DMXL1: variants seen among roughly 807,000 people sequenced by gnomAD.
The protein encoded by DMXL1 is dmX-like protein 1.
DMXL1 carries 99 observed loss-of-function variants against 319.2 expected under a neutral mutation model. The ratio of observed to expected loss-of-function variants is 0.31; its 90% CI spans 0.26 to 0.37. DMXL1 has a LOEUF of 0.37. Among genes scored for constraint, DMXL1 ranks in the 10% least tolerant of loss-of-function variants. The pLI is 1.00. For missense variants in DMXL1, 3,745 were observed against 3,595.6 expected (o/e 1.04, Z -1.06); for synonymous variants, 1,385 against 1,235.2 (o/e 1.12, Z -2.54).
chr5:119,220,965 G>A lies in DMXL1; in HGVS notation c.8161G>A (p.Ala2721Thr), dbSNP rs201287159. 9.1e-5 allele frequency: 147 copies of A among 1,613,244 alleles called. No individual in the cohort carries two copies. Among genetic ancestry groups the A allele is most frequent in the Non-Finnish European group, 1.2e-4 (137 of 1,179,550 alleles). The change falls in exon 37 of 44, where the codon GCT becomes ACT. Residue 2721 changes from alanine to threonine, a missense_variant. This residue lies in a region of DMXL1 where 1,382 missense variants were observed against 1,269.5 expected (regional missense o/e 1.09). Coordinates refer to ENST00000539542, the MANE Select transcript of DMXL1 (RefSeq NM_001290321.3). ...ATCAGAAGATTTCTTGGTTATACAT[G>A]CTCGTGATGATTTAACAGCTGTTCA... ...KGSEDFLVIH[A>T]RDDLTAVQGT... is the part of the protein sequence containing the mutation.
chr5:119,240,230 A>ACTGTGAGCCAAGTGAG (rs1295904715), intron 41 of DMXL1, among the ~76,000 whole-genome samples, 189 bp from the exon 42 acceptor site: 1 of 152,310 alleles, frequency 6.6e-6, no homozygotes, highest in East Asian at 1.9e-4. Flanking sequence ...CCAAGATTCC[A>ACTGTGAGCCAAGTGAG]CCACTGCATT....
intron 28 of DMXL1, among the ~76,000 whole-genome samples, chr5:119,181,601 C>T (rs552902549): frequency 6.6e-6 from 1 of 152,296 alleles, no homozygotes; most frequent in South Asian, 2.1e-4. Flanking sequence ...GTGGGCAGAT[C>T]ACCTGAGGTC....
intron 10 of DMXL1, chr5:119,132,731 T>C (rs938979730): frequency 5.7e-6 from 3 of 528,506 alleles, no homozygotes; most frequent in Non-Finnish European, 1.2e-5. Flanking sequence ...TAGTCCTATA[T>C]TGGCATTGCT....
intron 13 of DMXL1, among the ~76,000 whole-genome samples, chr5:119,135,856 T>C (rs539188978): frequency 3.3e-5 from 5 of 152,288 alleles, no homozygotes; most frequent in African/African-American, 9.6e-5. Context: ...TATTTCTTCA[T>C]AGAGTGTAAA....
At chr5:119,081,825 T>C in intron 1 of DMXL1, 1 of 660,566 alleles carries the variant, frequency 1.5e-6, no homozygotes, top group Non-Finnish European at 1.9e-6. Flanking sequence ...AAGAAAAGAG[T>C]TCCTTTGGAA....
intron 9 of DMXL1, among the ~76,000 whole-genome samples, chr5:119,122,318 C>T (rs1286126453): frequency 3.4e-5 from 5 of 147,516 alleles, no homozygotes; most frequent in African/African-American, 1.2e-4. Context: ...GGGGGCTGAC[C>T]CCCCCACCTC....
At chr5:119,119,383 C>G (rs1158192080) in intron 8 of DMXL1, among the ~76,000 whole-genome samples, 2 of 152,112 alleles carry the variant, frequency 1.3e-5, no homozygotes, top group African/African-American at 4.8e-5. Flanking sequence ...AAAACCCACC[C>G]CACCCCCAGA....
chr5:119,191,856 A>G (rs1581237435), intron 29 of DMXL1, among the ~76,000 whole-genome samples: 1 of 152,214 alleles, frequency 6.6e-6, no homozygotes, highest in Non-Finnish European at 1.5e-5. Context: ...CTCCTGACCA[A>G]GTTCTTACTG....
intron 1 of DMXL1, among the ~76,000 whole-genome samples, chr5:119,094,259 G>C (rs1329604409): frequency 6.6e-6 from 1 of 152,342 alleles, no homozygotes; most frequent in African/African-American, 2.4e-5. Flanking sequence ...AATGCAGTTG[G>C]TAACTTTAAG....
chr5:119,221,258 A>G, intron 37 of DMXL1, among the ~76,000 whole-genome samples, 177 bp downstream of exon 37: 1 of 152,204 alleles, frequency 6.6e-6, no homozygotes, highest in East Asian at 1.9e-4. Flanking sequence ...TTGAAAGGGT[A>G]ATAATAAATT....
intron 5 of DMXL1, among the ~76,000 whole-genome samples, chr5:119,112,830 G>T (rs559949582): frequency 7.9e-5 from 12 of 152,162 alleles, no homozygotes; most frequent in African/African-American, 2.6e-4. Context: ...GGTGGTGCAT[G>T]CCTGTAATCC....
chr5:119,142,761 C>T (rs1393372502), intron 13 of DMXL1, among the ~76,000 whole-genome samples: 1 of 151,976 alleles, frequency 6.6e-6, no homozygotes, highest in Non-Finnish European at 1.5e-5. Context: ...GCATTATTCA[C>T]AATAGCAAAG....
Position 119,149,195 on chromosome 5 carries a change from A to T in DMXL1, c.3368A>T (p.Asp1123Val), listed in dbSNP as rs750315820. Residue 1123 changes from aspartate (D) to valine (V), a missense_variant, in exon 18 of 44, where the codon GAC (aspartate) becomes GTC (valine). By Grantham distance (152) the Asp-to-Val change is radical. Transcript: ENST00000539542. ...DSNLVAYNKQ[D>V]MYLSSKENIT... ...AATTTAGTGGCCTATAATAAACAAG[A>T]CATGTATTTATCTAGTAAAGAGAAT... 17 of 1,613,794 alleles carry T rather than the reference A, an allele frequency of 1.1e-5. No homozygotes were observed. The highest frequency in any genetic ancestry group is 2.7e-5 in the African/African-American group (2 of 74,918).
intron 31 of DMXL1, among the ~76,000 whole-genome samples, chr5:119,196,940 AG>A (rs773101120): frequency 9.9e-5 from 15 of 152,178 alleles, no homozygotes; most frequent in Non-Finnish European, 1.8e-4. Flanking sequence ...TGATGGACAG[AG>A]GAGTTTATTC....
chr5:119,101,506 G>A (rs894939265), intron 2 of DMXL1, among the ~76,000 whole-genome samples: 2 of 152,208 alleles, frequency 1.3e-5, no homozygotes, highest in Non-Finnish European at 2.9e-5. Flanking sequence ...TACTCAGGGA[G>A]TTTCCAGAGG....
At chr5:119,207,684 A>T (rs538519600) in intron 34 of DMXL1, among the ~76,000 whole-genome samples, 1 of 151,972 alleles carries the variant, frequency 6.6e-6, no homozygotes, top group South Asian at 2.1e-4. Flanking sequence ...ACACCTGGCT[A>T]ATTCTTTTTG....
At chr5:119,174,603 G>A (rs1223717450) in intron 25 of DMXL1, among the ~76,000 whole-genome samples, 1 of 152,186 alleles carries the variant, frequency 6.6e-6, no homozygotes, top group Non-Finnish European at 1.5e-5. Context: ...ATCAGATGAA[G>A]AACCTGGTCT....
At chr5:119,082,360 A>G (rs1053129752) in intron 1 of DMXL1, among the ~76,000 whole-genome samples, 8 of 151,906 alleles carry the variant, frequency 5.3e-5, no homozygotes, top group African/African-American at 1.9e-4. Flanking sequence ...TGTAGCTTCA[A>G]CTTCCTTGGC....
At chr5:119,231,994 A>G (rs1207305386) in intron 38 of DMXL1, among the ~76,000 whole-genome samples, 1 of 152,100 alleles carries the variant, frequency 6.6e-6, no homozygotes, top group African/African-American at 2.4e-5. Flanking sequence ...TTTAAGAGAC[A>G]GGGTCTCATT....
Sources: allele counts gnomAD v4.1 joint callset (sites outside exome capture counted in the v4.1 genomes callset), GRCh38; gene constraint gnomAD v4.1.1; regional missense constraint gnomAD v4.1.1; transcripts MANE v1.5; gene names NCBI Gene and HGNC (gene_info 2026-07-23, HGNC 2026-07-21).